SRGAP1: variants seen among roughly 807,000 people sequenced by gnomAD.
SRGAP1 encodes SLIT-ROBO Rho GTPase-activating protein 1.
A neutral mutation model predicts 121.9 loss-of-function variants in SRGAP1; 43 were observed. The ratio of observed to expected loss-of-function variants is 0.35; its 90% CI spans 0.28 to 0.46. The LOEUF is 0.46. SRGAP1 is among the 20% of genes least tolerant of loss of function. SRGAP1 has a pLI of 1.00. For missense variants in SRGAP1, 1,102 were observed against 1,350.9 expected (o/e 0.82, Z 2.89); for synonymous variants, 447 against 485.4 (o/e 0.92, Z 1.04).
At chr12:63,935,520 C>T (rs2031635968) in intron 1 of SRGAP1, among the ~76,000 whole-genome samples, 1 of 152,086 alleles carries the variant, frequency 6.6e-6, no homozygotes, top group Non-Finnish European at 1.5e-5. Context: ...AGTTTGGTAT[C>T]ATGTCTTTAA....
intron 15 of SRGAP1, among the ~76,000 whole-genome samples, chr12:64,107,136 C>G (rs945602332): frequency 6.6e-6 from 1 of 152,118 alleles, no homozygotes; most frequent in African/African-American, 2.4e-5. Flanking sequence ...TCAGCTCATT[C>G]TTGGTTAATC....
At chr12:63,986,165 T>C (rs2033408309) in intron 2 of SRGAP1, among the ~76,000 whole-genome samples, 1 of 151,830 alleles carries the variant, frequency 6.6e-6, no homozygotes. Flanking sequence ...CTCTTTTTTC[T>C]TCCTCTCCCT....
intron 4 of SRGAP1, among the ~76,000 whole-genome samples, chr12:64,021,623 C>A (rs2034552260): frequency 6.6e-6 from 1 of 152,168 alleles, no homozygotes; most frequent in Admixed American, 6.5e-5. Flanking sequence ...TCTCTATCGC[C>A]ATAGTTGTGG....
At chr12:64,107,590 T>C (rs1187847906) in intron 15 of SRGAP1, among the ~76,000 whole-genome samples, 1 of 152,140 alleles carries the variant, frequency 6.6e-6, no homozygotes, top group Non-Finnish European at 1.5e-5. Flanking sequence ...GAGGTTGCCA[T>C]TGAGGAGAAC....
rs1298371488 is a variant in SRGAP1, at chr12:64,152,908, A to G, written c.*10236A>G. 2.6e-5 allele frequency: 3 copies of G among 116,334 alleles called. No homozygotes were observed. Among genetic ancestry groups the G allele is most frequent in the Non-Finnish European group, 5.2e-5 (3 of 57,822 alleles). 7.2% of individuals were successfully genotyped at this position (116,334 alleles called of 1,614,324 possible). A position where few individuals can be genotyped will look rare whatever the true frequency, so the allele number is the denominator to read the frequency against. Reference sequence around the variant, plus strand: ...CTCATGGAGTGTACTTCCTGGTATGATTTAAAAAAAAAAAAAAAAAAAAAA... The same window carrying G: ...CTCATGGAGTGTACTTCCTGGTATGGTTTAAAAAAAAAAAAAAAAAAAAAA... On this transcript the variant is annotated 3_prime_UTR_variant, in exon 22 of 22. Coordinates refer to ENST00000355086, the MANE Select transcript of SRGAP1 (RefSeq NM_020762.4).
In SRGAP1 at chr12:64,128,201, G is replaced by A; in HGVS notation, c.2880+1G>A. On this transcript the variant is annotated splice_donor_variant, in intron 21 of 21. Transcript: ENST00000355086. LOFTEE classifies it high-confidence loss of function. Reference sequence around the variant, plus strand: ...ACTGGACCCAGAGACAATTGCTCAGGTACGATGCTTTTAATTACATATTGC... The same window carrying A: ...ACTGGACCCAGAGACAATTGCTCAGATACGATGCTTTTAATTACATATTGC... The A allele has an allele frequency of 1.3e-6, 2 of 1,598,456 alleles. No homozygotes were observed. The highest frequency in any genetic ancestry group is 1.1e-5 in the South Asian group (1 of 90,376).
chr12:63,929,145 G>C (rs367657855), intron 1 of SRGAP1, among the ~76,000 whole-genome samples: 7 of 152,150 alleles, frequency 4.6e-5, no homozygotes, highest in East Asian at 3.9e-4. Context: ...CTGTGTGTTT[G>C]GTCTTTACTG....
chr12:63,851,382 C>T (rs1457641691), intron 1 of SRGAP1, among the ~76,000 whole-genome samples: 2 of 151,928 alleles, frequency 1.3e-5, no homozygotes, highest in South Asian at 2.1e-4. Flanking sequence ...CATTTGAGAC[C>T]AGGAGTTCGA....
chr12:63,915,841 A>G (rs1274427825), intron 1 of SRGAP1, among the ~76,000 whole-genome samples: 1 of 152,198 alleles, frequency 6.6e-6, no homozygotes, highest in Non-Finnish European at 1.5e-5. Context: ...AAACGTTTTG[A>G]GCAGCCTTTC....
intron 1 of SRGAP1, among the ~76,000 whole-genome samples, chr12:63,911,582 C>T (rs2030508008): frequency 6.6e-6 from 1 of 152,180 alleles, no homozygotes; most frequent in African/African-American, 2.4e-5. Flanking sequence ...ACATTCCTGA[C>T]CCAGAATTAC....
intron 4 of SRGAP1, among the ~76,000 whole-genome samples, chr12:64,026,167 GA>G (rs924225216): frequency 6.6e-6 from 1 of 151,006 alleles, no homozygotes; most frequent in East Asian, 1.9e-4. Flanking sequence ...ATAGTTTAGT[GA>G]AAAAAAAATT....
rs770920534 is a variant in SRGAP1, at chr12:64,111,954, T to G, written c.2112T>G (p.Val704=). ...FPDAKELDGP[V]YEKCMAGDDY... ...ATGCTAAAGAGCTGGATGGCCCTGT[T>G]TATGAGAAATGTATGGCTGGAGATG... Residue 704 remains valine (V), a synonymous_variant, in exon 17 of 22, where the codon GTT becomes GTG. Coordinates refer to ENST00000355086, the MANE Select transcript of SRGAP1 (RefSeq NM_020762.4). 3 of 1,614,028 alleles carry G rather than the reference T, an allele frequency of 1.9e-6. No individual in the cohort carries two copies. The South Asian group carries it at 3.3e-5, about 18-fold the overall frequency.
intron 9 of SRGAP1, among the ~76,000 whole-genome samples, chr12:64,079,827 G>T (rs1698593202): frequency 6.6e-6 from 1 of 152,094 alleles, no homozygotes; most frequent in Non-Finnish European, 1.5e-5. Flanking sequence ...GGCTCCCAAG[G>T]GTTGGCTGAT....
At chr12:63,952,312 G>A (rs1052536017) in intron 1 of SRGAP1, among the ~76,000 whole-genome samples, 1 of 152,170 alleles carries the variant, frequency 6.6e-6, no homozygotes, top group African/African-American at 2.4e-5. Flanking sequence ...AGGAGTTTGA[G>A]ACTAGGCTGG....
At chr12:64,001,950 C>T (rs1351712120) in intron 3 of SRGAP1, among the ~76,000 whole-genome samples, 2 of 152,166 alleles carry the variant, frequency 1.3e-5, no homozygotes, top group Non-Finnish European at 2.9e-5. Context: ...ACACTGAATA[C>T]CCGCAGCAGT....
chr12:63,861,302 A>ATATTT (rs1184711599), intron 1 of SRGAP1, among the ~76,000 whole-genome samples: 260 of 132,608 alleles, frequency 2.0e-3, no homozygotes, highest in East Asian at 8.9e-3. Context: ...ATATATATAT[A>ATATTT]TTTTTTTTTT....
intron 1 of SRGAP1, among the ~76,000 whole-genome samples, chr12:63,898,520 C>G (rs1299197080): frequency 2.0e-5 from 3 of 152,116 alleles, no homozygotes; most frequent in African/African-American, 4.8e-5. Context: ...GGGAACTTTC[C>G]TTAAATTAAA....
rs1394650042 is a variant in SRGAP1 at position 64,115,838 on chromosome 12, T to A, written c.2169T>A (p.Gly723=). The change falls in exon 18 of 22, where the codon GGT becomes GGA. Residue 723 remains glycine (G), a synonymous_variant. Transcript: ENST00000355086. ...GCGACAGCCCATACAGTGAGCACGGTACATTGGAGGAAGTGGACCAAGATG... is the reference window on the plus strand; with the variant it reads ...GCGACAGCCCATACAGTGAGCACGGAACATTGGAGGAAGTGGACCAAGATG... ...DYCDSPYSEH[G]TLEEVDQDAG... 1 of 1,613,628 alleles carries A rather than the reference T, an allele frequency of 6.2e-7. No individual in the cohort carries two copies. Among genetic ancestry groups the A allele is most frequent in the African/African-American group, 1.3e-5 (1 of 74,932 alleles).
chr12:63,903,739 A>G (rs1237195447), intron 1 of SRGAP1, among the ~76,000 whole-genome samples: 1 of 151,878 alleles, frequency 6.6e-6, no homozygotes, highest in Admixed American at 6.6e-5. Flanking sequence ...GGTTCAAGCA[A>G]TTCTCCTGCC....
Sources: allele counts gnomAD v4.1 joint callset (sites outside exome capture counted in the v4.1 genomes callset), GRCh38; gene constraint gnomAD v4.1.1; transcripts MANE v1.5; gene names NCBI Gene and HGNC (gene_info 2026-07-23, HGNC 2026-07-21).